The following NECAB1 variants were observed in gnomAD, a reference collection of about 807,000 sequenced individuals.
NECAB1 encodes the protein N-terminal EF-hand calcium-binding protein 1.
NECAB1 carries 29 observed loss-of-function variants against 57.5 expected under a neutral mutation model. The ratio of observed to expected loss-of-function variants is 0.50; its 90% confidence interval spans 0.38 to 0.69. The LOEUF (loss-of-function observed/expected upper bound fraction) is 0.69, where lower values mean the gene tolerates loss of function less well. Among genes scored for constraint, NECAB1 ranks in the 30% least tolerant of loss-of-function variants. The pLI is 0.00. For synonymous variants in NECAB1, 142 were observed against 147.7 expected (o/e 0.96, Z 0.28); for missense variants, 372 against 413.8 (o/e 0.90, Z 0.88).
At chr8:90,906,891 A>ATATATATATATGTATG (rs1554574080) in intron 5 of NECAB1, among the ~76,000 whole-genome samples, 2 of 113,414 alleles carry the variant, frequency 1.8e-5, no homozygotes, top group African/African-American at 8.0e-5. Flanking sequence ...ATATATATAT[A>ATATATATATATGTATG]TATATATATA....
At chr8:90,855,168 C>T (rs1812770663) in intron 3 of NECAB1, among the ~76,000 whole-genome samples, 1 of 152,128 alleles carries the variant, frequency 6.6e-6, no homozygotes, top group African/African-American at 2.4e-5. Flanking sequence ...TAGATTATTA[C>T]CAAATCCAGA....
At chr8:90,835,523 TAATATAA>T (rs1812357364) in intron 3 of NECAB1, among the ~76,000 whole-genome samples, 1 of 152,234 alleles carries the variant, frequency 6.6e-6, no homozygotes, top group Non-Finnish European at 1.5e-5. Flanking sequence ...AATTTAGGAC[TAATATAA>T]AAATACTCGC....
chr8:90,792,829 T>A (rs747031520), intron 1 of NECAB1, among the ~76,000 whole-genome samples: 2 of 152,220 alleles, frequency 1.3e-5, no homozygotes, highest in African/African-American at 2.4e-5. Context: ...TTTCTCTATT[T>A]TTCCGTCTGT....
At chr8:90,821,396 A>G (rs1214435611) in intron 2 of NECAB1, among the ~76,000 whole-genome samples, 1 of 151,822 alleles carries the variant, frequency 6.6e-6, no homozygotes, top group East Asian at 1.9e-4. Context: ...CTTTATCACA[A>G]TTTTGATGGT....
intron 6 of NECAB1, 99 bp downstream of exon 6, chr8:90,917,727 G>A: frequency 8.6e-7 from 1 of 1,159,542 alleles, no homozygotes; most frequent in Non-Finnish European, 1.2e-6. Context: ...AACTAAAAAA[G>A]AGAATTGATA....
At chr8:90,875,904 G>A (rs1808718695) in intron 4 of NECAB1, among the ~76,000 whole-genome samples, 1 of 151,064 alleles carries the variant, frequency 6.6e-6, no homozygotes, top group Non-Finnish European at 1.5e-5. Flanking sequence ...CAGCTACTCT[G>A]GAGGCTGAGG....
Position 90,937,895 on chromosome 8 carries a change from G to A in NECAB1, c.748-2891G>A, listed in dbSNP as rs191847409. Among the ~76,000 whole-genome samples, 243 of 152,204 alleles carry A rather than the reference G, an allele frequency of 1.6e-3. 1 individual carries two copies. Among genetic ancestry groups the A allele is most frequent in the Non-Finnish European group, 3.0e-3 (201 of 67,994 alleles). On this transcript the variant is annotated intron_variant, in intron 9 of 12. Coordinates refer to ENST00000417640, the MANE Select transcript of NECAB1 (RefSeq NM_022351.5). ...TTCTGCCATACATTCCTAAGGGTTT[G>A]GGGGCTATTCTCAAGTAATGTAACA...
chr8:90,917,616 C>A lies in NECAB1; in HGVS notation c.482C>A (p.Thr161Asn), dbSNP rs1177578198. The A allele has an allele frequency of 6.2e-7, 1 of 1,608,470 alleles. No homozygotes were observed. Among genetic ancestry groups the A allele is most frequent in the Non-Finnish European group, 8.5e-7 (1 of 1,177,006 alleles). Residue 161 changes from threonine to asparagine, a missense_variant, in exon 6 of 13, where the codon ACC (threonine) becomes AAC (asparagine). Coordinates refer to ENST00000417640, the MANE Select transcript of NECAB1 (RefSeq NM_022351.5). ...ECAMETTEEQTRQERQGPAKP... is the reference protein window; with the variant it reads ...ECAMETTEEQNRQERQGPAKP... ...GCCATGGAAACTACTGAGGAGCAAA[C>A]CCGTCAAGAAAGGCAATTTACATGT... is the stretch of plus-strand genomic sequence containing the variant.
intron 5 of NECAB1, among the ~76,000 whole-genome samples, chr8:90,912,076 T>TA (rs1291850656): frequency 6.6e-6 from 1 of 152,158 alleles, no homozygotes; most frequent in Non-Finnish European, 1.5e-5. Context: ...ACCACTACAT[T>TA]ATGTTATTAG....
At chr8:90,895,684 T>C (rs1362167875) in intron 5 of NECAB1, among the ~76,000 whole-genome samples, 1 of 152,198 alleles carries the variant, frequency 6.6e-6, no homozygotes, top group African/African-American at 2.4e-5. Flanking sequence ...GATTAGGAAA[T>C]TCTGTGAAGC....
chr8:90,896,916 T>A (rs547043311), intron 5 of NECAB1, among the ~76,000 whole-genome samples: 1 of 152,234 alleles, frequency 6.6e-6, no homozygotes, highest in East Asian at 1.9e-4. Context: ...TAGAATTAGT[T>A]TAGCCTGTGA....
At chr8:90,896,468 G>A (rs965817483) in intron 5 of NECAB1, among the ~76,000 whole-genome samples, 2 of 152,080 alleles carry the variant, frequency 1.3e-5, no homozygotes, top group Non-Finnish European at 2.9e-5. Flanking sequence ...AGCCGGGCGT[G>A]GTGGCGGGTG....
At chr8:90,796,047 T>C (rs1811656565) in intron 1 of NECAB1, among the ~76,000 whole-genome samples, 1 of 152,146 alleles carries the variant, frequency 6.6e-6, no homozygotes, top group Non-Finnish European at 1.5e-5. Flanking sequence ...ACATTAAAAA[T>C]TGTTTTCCCA....
intron 5 of NECAB1, among the ~76,000 whole-genome samples, chr8:90,884,543 A>G (rs1281219287): frequency 6.6e-6 from 1 of 152,218 alleles, no homozygotes; most frequent in African/African-American, 2.4e-5. Flanking sequence ...ATCCAAGCTG[A>G]AATGATACCA....
At chr8:90,838,989 T>C (rs919469356) in intron 3 of NECAB1, among the ~76,000 whole-genome samples, 1 of 152,208 alleles carries the variant, frequency 6.6e-6, no homozygotes, top group Non-Finnish European at 1.5e-5. Context: ...TAAAATTAAA[T>C]ATAAAATGTT....
At chr8:90,860,696 T>A (rs1234157875) in intron 3 of NECAB1, among the ~76,000 whole-genome samples, 1 of 152,140 alleles carries the variant, frequency 6.6e-6, no homozygotes, top group Non-Finnish European at 1.5e-5. Flanking sequence ...AGGCTAAGAA[T>A]TACTGCTGAG....
chr8:90,840,098 A>C (rs1275792231), intron 3 of NECAB1, among the ~76,000 whole-genome samples: 3 of 152,238 alleles, frequency 2.0e-5, no homozygotes, highest in Non-Finnish European at 4.4e-5. Context: ...GCAAAACAAT[A>C]ATAATAACAA....
chr8:90,917,827 G>A (rs1376672873), intron 6 of NECAB1, among the ~76,000 whole-genome samples, 199 bp downstream of exon 6: 1 of 88,508 alleles, frequency 1.1e-5, no homozygotes, highest in East Asian at 4.5e-4. Flanking sequence ...TTTACTGTCA[G>A]TCATTTAGTA....
intron 5 of NECAB1, among the ~76,000 whole-genome samples, chr8:90,909,233 C>G (rs1167133368): frequency 1.3e-5 from 2 of 152,112 alleles, no homozygotes; most frequent in Non-Finnish European, 2.9e-5. Flanking sequence ...GATCAGCAAA[C>G]TCCAGCCATT....
Sources: allele counts gnomAD v4.1 joint callset (sites outside exome capture counted in the v4.1 genomes callset), GRCh38; gene constraint gnomAD v4.1.1; transcripts MANE v1.5; gene names NCBI Gene and HGNC (gene_info 2026-07-23, HGNC 2026-07-21).